USP10: variants seen among roughly 807,000 people sequenced by gnomAD.
USP10 encodes ubiquitin specific peptidase 10.
A neutral mutation model predicts 84.5 loss-of-function variants in USP10; 22 were observed. The observed-to-expected ratio is 0.26, with a 90% CI of 0.19 to 0.37. The LOEUF (loss-of-function observed/expected upper bound fraction) is 0.37. USP10 is among the 10% of genes least tolerant of loss of function. The pLI, the probability that USP10 is intolerant of heterozygous loss-of-function variation, is 1.00. For missense variants in USP10, 1,019 were observed against 998.9 expected (o/e 1.02, Z -0.27); for synonymous variants, 454 against 387.6 (o/e 1.17, Z -2.01).
intron 9 of USP10, 82 bp downstream of exon 9, chr16:84,763,170 C>G: frequency 1.3e-6 from 1 of 747,326 alleles, no homozygotes; most frequent in South Asian, 2.1e-5. Context: ...TATGTTGCTT[C>G]CCTGCCCCTC....
At chr16:84,748,384 A>G (rs1024972683) in intron 4 of USP10, among the ~76,000 whole-genome samples, 4 of 151,716 alleles carry the variant, frequency 2.6e-5, no homozygotes, top group African/African-American at 4.8e-5. Context: ...GCTCACTGCA[A>G]CCTTCTCCTC....
At position 84,740,291 on chromosome 16, in the gene USP10, T is replaced by C; in HGVS notation, c.91-18T>C. On this transcript the variant is annotated intron_variant, in intron 2 of 13. Coordinates refer to ENST00000219473, the MANE Select transcript of USP10 (RefSeq NM_005153.3). ...ACATTTTGTTGAATTAAAATTTGTT[T>C]TCTGATTCCTTGTGCAGCTTCCTCC... 1 of 1,602,174 alleles carries C rather than the reference T, an allele frequency of 6.2e-7. No homozygotes were observed. The highest frequency in any genetic ancestry group is 8.5e-7 in the Non-Finnish European group (1 of 1,174,716).
At chr16:84,716,449 C>T (rs761731965) in intron 1 of USP10, 3 of 152,158 alleles carry the variant, frequency 2.0e-5, no homozygotes, top group Admixed American at 6.5e-5. Context: ...ATTAGATTCT[C>T]AGTATTGTGC....
intron 1 of USP10, chr16:84,732,593 C>G (rs995250683): frequency 9.6e-6 from 3 of 312,794 alleles, no homozygotes; most frequent in African/African-American, 6.9e-5. Flanking sequence ...ACTACAGGTA[C>G]ACGCCACCAC....
intron 3 of USP10, among the ~76,000 whole-genome samples, chr16:84,741,981 C>T (rs557425757): frequency 2.0e-5 from 3 of 152,350 alleles, no homozygotes; most frequent in African/African-American, 7.2e-5. Context: ...CTGCTCCCTC[C>T]CACTACCTCC....
At chr16:84,735,315 C>T (rs547022786) in intron 2 of USP10, among the ~76,000 whole-genome samples, 3 of 151,942 alleles carry the variant, frequency 2.0e-5, no homozygotes, top group South Asian at 2.1e-4. Flanking sequence ...TTAGTTGCTA[C>T]AGGTTTTCTC....
At chr16:84,706,691 C>T (rs1178153994) in intron 1 of USP10, among the ~76,000 whole-genome samples, 1 of 151,958 alleles carries the variant, frequency 6.6e-6, no homozygotes, top group Non-Finnish European at 1.5e-5. Context: ...CAGGTGTGCG[C>T]CACCACGCCC....
chr16:84,723,163 C>A (rs1177851996), intron 1 of USP10, among the ~76,000 whole-genome samples: 1 of 149,938 alleles, frequency 6.7e-6, no homozygotes, highest in East Asian at 1.9e-4. Context: ...TTTTTTTGGC[C>A]TTTTTTCCCC....
chr16:84,756,966 C>G (rs532080874), intron 4 of USP10, among the ~76,000 whole-genome samples: 1 of 152,306 alleles, frequency 6.6e-6, no homozygotes, highest in South Asian at 2.1e-4. Flanking sequence ...GAGGAAAGGG[C>G]TCAACCTCTT....
At chr16:84,715,411 C>T (rs1906882921) in intron 1 of USP10, among the ~76,000 whole-genome samples, 1 of 152,100 alleles carries the variant, frequency 6.6e-6, no homozygotes, top group Non-Finnish European at 1.5e-5. Context: ...TTATGTGGTG[C>T]ATGTGGCAGG....
At chr16:84,776,852 G>A (rs371592716) in intron 13 of USP10, among the ~76,000 whole-genome samples, 31 of 152,106 alleles carry the variant, frequency 2.0e-4, no homozygotes, top group South Asian at 4.1e-4. Flanking sequence ...TTGCTCTGTC[G>A]CCCAGGCTGG....
chr16:84,722,617 A>G (rs1907956449), intron 1 of USP10, among the ~76,000 whole-genome samples: 1 of 152,066 alleles, frequency 6.6e-6, no homozygotes, highest in Non-Finnish European at 1.5e-5. Flanking sequence ...GCTGGAGTGC[A>G]GTGGTGTGAT....
chr16:84,706,345 T>A (rs1175683053), intron 1 of USP10, among the ~76,000 whole-genome samples: 1 of 152,038 alleles, frequency 6.6e-6, no homozygotes, highest in Middle Eastern at 3.2e-3. Flanking sequence ...AATTTTTTTA[T>A]ACTTCATTTT....
chr16:84,728,808 C>CT (rs960661155), intron 1 of USP10, among the ~76,000 whole-genome samples: 3 of 151,572 alleles, frequency 2.0e-5, no homozygotes, highest in East Asian at 1.9e-4. Flanking sequence ...CTTCTTTTTT[C>CT]TTTTTTTTGA....
intron 7 of USP10, 52 bp downstream of exon 7, chr16:84,759,998 A>G: frequency 6.3e-7 from 1 of 1,598,252 alleles, no homozygotes; most frequent in Non-Finnish European, 8.6e-7. Context: ...AGTTATGGAG[A>G]CAGATGACTT....
intron 4 of USP10, 43 bp downstream of exon 4, chr16:84,745,716 G>T (rs1463139137): frequency 6.4e-7 from 1 of 1,550,528 alleles, no homozygotes; most frequent in East Asian, 2.4e-5. Flanking sequence ...GATGGGAGCA[G>T]ACCTCATCAA....
intron 4 of USP10, among the ~76,000 whole-genome samples, chr16:84,753,193 C>G (rs552016221): frequency 6.6e-6 from 1 of 152,202 alleles, no homozygotes; most frequent in South Asian, 2.1e-4. Flanking sequence ...GTGGCCCAGG[C>G]TGATCTTGGA....
intron 1 of USP10, among the ~76,000 whole-genome samples, chr16:84,731,979 C>T (rs1047756761): frequency 4.6e-5 from 7 of 152,044 alleles, no homozygotes; most frequent in African/African-American, 1.7e-4. Context: ...CATTTTGAGG[C>T]TCTGTTTATT....
chr16:84,772,588 C>T lies in USP10; in HGVS notation c.2046C>T (p.Leu682=), dbSNP rs769002308. 1.3e-5 allele frequency: 21 copies of T among 1,613,956 alleles called. No homozygotes were observed. The highest frequency in any genetic ancestry group is 1.6e-4 in the Middle Eastern group (1 of 6,062). The change falls in exon 12 of 14, where the codon CTC becomes CTT. Residue 682 remains leucine, a synonymous_variant. Transcript: ENST00000219473. ...RVTLEKLPPV[L]VLHLKRFVYE... is the part of the protein sequence containing the mutation. ...CTCTGGAAAAACTCCCTCCTGTCCT[C>T]GTGCTGCACCTGAAACGATTCGTTT...
Sources: gnomAD v4.1 joint callset for allele counts (sites outside exome capture counted in the v4.1 genomes callset) on GRCh38, gnomAD v4.1.1 for gene constraint, MANE v1.5 for transcripts, NCBI Gene and HGNC (gene_info 2026-07-23, HGNC 2026-07-21) for gene names.